EPHA5: variants seen among roughly 807,000 people sequenced by gnomAD.
EPHA5 encodes the protein EPH receptor A5, also known as ephrin type-A receptor 5.
EPHA5 carries 60 observed loss-of-function variants against 105.0 expected under a neutral mutation model. The ratio of observed to expected loss-of-function variants is 0.57; its 90% CI spans 0.46 to 0.71. The LOEUF (loss-of-function observed/expected upper bound fraction) is 0.71, where lower values mean the gene tolerates loss of function less well. EPHA5 is among the 30% of genes least tolerant of loss of function. The pLI, the probability that EPHA5 is intolerant of heterozygous loss-of-function variation, is 0.00. For synonymous variants in EPHA5, 513 were observed against 449.1 expected, an observed-to-expected ratio of 1.14 and a Z score of -1.80; for missense variants, 1,218 against 1,274.7, an observed-to-expected ratio of 0.96 and a Z score of 0.68.
chr4:65,320,299 G>A lies in EPHA5; in HGVS notation c.*3815C>T, dbSNP rs4860648. The stretch of plus-strand genomic sequence containing the variant: ...ATTTTACTTATTAATGTCAAATAAA[G>A]CTAGCATTTTGATTCCATTTATTCT... On this transcript the variant is annotated 3_prime_UTR_variant, in exon 17 of 17. Transcript: ENST00000613740. The A allele has an allele frequency of 0.18, 41,810 of 229,812 alleles. 4,380 individuals carry two copies. The highest frequency in any genetic ancestry group is 0.24 in the South Asian group (1,317 of 5,498). The allele number at this position is 229,812 out of a possible 1,614,324, so 14.2% of individuals were successfully genotyped here. A position where few individuals can be genotyped will look rare whatever the true frequency, so the allele number is the denominator to read the frequency against.
chr4:65,524,644 G>T (rs892465078), intron 3 of EPHA5, among the ~76,000 whole-genome samples: 2 of 151,770 alleles, frequency 1.3e-5, no homozygotes, highest in Non-Finnish European at 3.0e-5. Flanking sequence ...GCTTCTAGAT[G>T]AAGGAAGTTA....
chr4:65,577,519 GA>G (rs1364862261), intron 3 of EPHA5, among the ~76,000 whole-genome samples: 13 of 152,064 alleles, frequency 8.5e-5, no homozygotes, highest in African/African-American at 2.9e-4. Context: ...GTGGTGTTTA[GA>G]AACCAATACA....
chr4:65,571,778 C>T (rs1161170859), intron 3 of EPHA5, among the ~76,000 whole-genome samples: 1 of 151,940 alleles, frequency 6.6e-6, no homozygotes, highest in Non-Finnish European at 1.5e-5. Context: ...TTTGGTCTTT[C>T]TATGTAGTCA....
rs765069038 is a variant in EPHA5, at chr4:65,643,387, T to A, written c.222A>T (p.Gly74=). Residue 74 remains glycine, a synonymous_variant, in exon 2 of 17, where the codon GGA becomes GGT. Transcript: ENST00000613740. ...CCCCATTTTTTGGAAAAGCAATCCA[T>A]CCCAGGTCCCCCATGACAGTGCGTG... ...LDSRTVMGDL[G]WIAFPKNGWE... is the part of the protein sequence containing the mutation. The A allele has an allele frequency of 6.2e-7, 1 of 1,613,118 alleles. No homozygotes were observed. Among genetic ancestry groups the A allele is most frequent in the Non-Finnish European group, 8.5e-7 (1 of 1,179,308 alleles).
At chr4:65,334,657 G>A (rs557908956) in intron 15 of EPHA5, among the ~76,000 whole-genome samples, 56 of 151,932 alleles carry the variant, frequency 3.7e-4, no homozygotes. Context: ...TGGTACAGTC[G>A]GTCTTAAAGC....
At chr4:65,626,879 A>G (rs755903915) in intron 2 of EPHA5, among the ~76,000 whole-genome samples, 21 of 152,200 alleles carry the variant, frequency 1.4e-4, no homozygotes, top group Non-Finnish European at 2.5e-4. Context: ...TCACTTATGT[A>G]AATTAAAAGG....
chr4:65,506,014 T>A (rs1396310017), intron 3 of EPHA5, among the ~76,000 whole-genome samples: 1 of 152,002 alleles, frequency 6.6e-6, no homozygotes, highest in Admixed American at 6.6e-5. Context: ...GCCCACCCCA[T>A]AACAGGCCCC....
intron 5 of EPHA5, among the ~76,000 whole-genome samples, chr4:65,469,186 A>G (rs973310040): frequency 2.0e-5 from 3 of 152,158 alleles, no homozygotes; most frequent in Non-Finnish European, 4.4e-5. Context: ...GAAGAAGGTC[A>G]AGTTCTGCAA....
rs1159809789 is a variant in EPHA5, at chr4:65,322,460, G to A, written c.*1654C>T. The A allele has an allele frequency of 8.9e-6, 2 of 225,502 alleles. No individual in the cohort carries two copies. The highest frequency in any genetic ancestry group is 4.5e-5 in the African/African-American group (2 of 44,836). The allele number at this position is 225,502 out of a possible 1,614,324, so 14.0% of individuals were successfully genotyped here. On this transcript the variant is annotated 3_prime_UTR_variant, in exon 17 of 17. Transcript: ENST00000613740. ...TATTAACATTGATAATCATGAGTAG[G>A]CTGTATTTTATTTAAATGCTCTGAT...
chr4:65,526,490 A>G (rs1735242815), intron 3 of EPHA5, among the ~76,000 whole-genome samples: 1 of 151,838 alleles, frequency 6.6e-6, no homozygotes, highest in Admixed American at 6.6e-5. Context: ...TTGAATTATC[A>G]TGGTCTCAAA....
intron 3 of EPHA5, among the ~76,000 whole-genome samples, chr4:65,599,171 C>G (rs1169658339): frequency 6.6e-6 from 1 of 151,982 alleles, no homozygotes; most frequent in Non-Finnish European, 1.5e-5. Flanking sequence ...CTGGTAATTT[C>G]TATAAACACT....
intron 1 of EPHA5, among the ~76,000 whole-genome samples, chr4:65,643,911 T>C (rs1292736583): frequency 6.6e-6 from 1 of 152,030 alleles, no homozygotes; most frequent in Non-Finnish European, 1.5e-5. Context: ...GATTGTAACA[T>C]TTTTTGTGAT....
At chr4:65,555,123 T>C (rs1738297554) in intron 3 of EPHA5, among the ~76,000 whole-genome samples, 1 of 151,984 alleles carries the variant, frequency 6.6e-6, no homozygotes, top group Non-Finnish European at 1.5e-5. Flanking sequence ...CAAAGTTGTC[T>C]CTTTTTTTAG....
Position 65,488,885 on chromosome 4 carries a change from A to ATTTTTT in EPHA5, c.1402+1486_1402+1491dup, listed in dbSNP as rs5858962. Reference sequence around the variant, plus strand: ...ATCAACTCTGAACTCAGCTGCATGCATTTTTTTTTTTTTTTTTTGAGACGG... The same window carrying ATTTTTT: ...ATCAACTCTGAACTCAGCTGCATGCATTTTTTTTTTTTTTTTTTTTTTTTGAGACGG... On this transcript the variant is annotated intron_variant, in intron 5 of 16. Coordinates refer to ENST00000613740, the MANE Select transcript of EPHA5 (RefSeq NM_001281766.3). Among the ~76,000 whole-genome samples, 336 of 117,726 alleles carry ATTTTTT rather than the reference A, an allele frequency of 2.9e-3. 15 individuals carry two copies. Among genetic ancestry groups the ATTTTTT allele is most frequent in the Non-Finnish European group, 4.1e-3 (247 of 59,948 alleles). 77.2% of individuals were successfully genotyped at this position (117,726 alleles called of 152,430 possible). A position where few individuals can be genotyped will look rare whatever the true frequency, so the allele number is the denominator to read the frequency against.
intron 3 of EPHA5, among the ~76,000 whole-genome samples, chr4:65,501,445 C>T (rs893755808): frequency 1.6e-4 from 25 of 151,626 alleles, no homozygotes; most frequent in African/African-American, 5.8e-4. Context: ...AAATCAGTAG[C>T]ATTTCGATAT....
intron 1 of EPHA5, among the ~76,000 whole-genome samples, chr4:65,668,528 G>C (rs781742361): frequency 1.3e-5 from 2 of 152,206 alleles, no homozygotes; most frequent in East Asian, 3.9e-4. Context: ...GCTGAGACCC[G>C]AGCTCAGTCC....
intron 1 of EPHA5, among the ~76,000 whole-genome samples, chr4:65,663,174 C>T (rs891926326): frequency 6.6e-6 from 1 of 151,982 alleles, no homozygotes; most frequent in Non-Finnish European, 1.5e-5. Flanking sequence ...AACTGGGATA[C>T]AATTAAATGG....
Position 65,319,654 on chromosome 4 carries a change from A to G in EPHA5, c.*4460T>C, listed in dbSNP as rs943447684. The G allele has an allele frequency of 4.5e-6, 1 of 221,918 alleles. No homozygotes were observed. The highest frequency in any genetic ancestry group is 5.8e-5 in the Admixed American group (1 of 17,386). The allele number at this position is 221,918 out of a possible 1,614,324, so 13.7% of individuals were successfully genotyped here. A position where few individuals can be genotyped will look rare whatever the true frequency, so the allele number is the denominator to read the frequency against. On this transcript the variant is annotated 3_prime_UTR_variant, in exon 17 of 17. Coordinates refer to ENST00000613740, the MANE Select transcript of EPHA5 (RefSeq NM_001281766.3). ...GCATGTACACAAACCAAATGCACAT[A>G]AAGATTCAAATGAGAAAAAATACAG... is the stretch of plus-strand genomic sequence containing the variant.
intron 2 of EPHA5, among the ~76,000 whole-genome samples, chr4:65,624,459 A>G (rs1054388410): frequency 2.0e-5 from 3 of 152,290 alleles, no homozygotes; most frequent in Admixed American, 1.3e-4. Flanking sequence ...ACTTTTATTT[A>G]CTGTTACTAA....
Sources: allele counts gnomAD v4.1 joint callset (sites outside exome capture counted in the v4.1 genomes callset), GRCh38; gene constraint gnomAD v4.1.1; transcripts MANE v1.5; gene names NCBI Gene and HGNC (gene_info 2026-07-23, HGNC 2026-07-21).